Variants in FMO1 observed in about 807,000 individuals in gnomAD.
FMO1 encodes the protein flavin containing dimethylaniline monoxygenase 1, also known as flavin-containing monooxygenase 1.
In FMO1, 36 loss-of-function variants were observed where a neutral mutation model predicts 45.4. The observed-to-expected ratio is 0.79, with a 90% CI of 0.61 to 1.05. FMO1 has a LOEUF of 1.05. FMO1 is among the 50% of genes least tolerant of loss of function. FMO1 has a pLI of 0.00. For synonymous variants in FMO1, 228 were observed against 227.2 expected, an observed-to-expected ratio of 1.00 and a Z score of -0.03; for missense variants, 615 against 640.3, an observed-to-expected ratio of 0.96 and a Z score of 0.43.
chr1:171,273,034 G>C (rs1660934298), intron 3 of FMO1, among the ~76,000 whole-genome samples: 1 of 152,178 alleles, frequency 6.6e-6, no homozygotes, highest in Non-Finnish European at 1.5e-5. Flanking sequence ...CATGTTGTGA[G>C]AGGGGTCCAG....
Position 171,261,321 on chromosome 1 carries a change from G to GCACACA in FMO1, c.132+3119_132+3124dup, listed in dbSNP as rs71561567. Among the ~76,000 whole-genome samples the GCACACA allele has an allele frequency of 7.2e-3, 1,063 of 148,032 alleles. 15 individuals are homozygous for GCACACA. Among genetic ancestry groups the GCACACA allele is most frequent in the African/African-American group, 0.024 (963 of 40,178 alleles). On this transcript the variant is annotated intron_variant, in intron 2 of 8. Transcript: ENST00000617670. ...TTCCCTCCTTCCCCAACACACACAG[G>GCACACA]CACACACACACACACACACACAAAA...
At chr1:171,283,930 T>C (rs1386983308) in intron 8 of FMO1, among the ~76,000 whole-genome samples, 1 of 152,104 alleles carries the variant, frequency 6.6e-6, no homozygotes, top group African/African-American at 2.4e-5. Context: ...CAGAATAAAG[T>C]TTATTGAGCA....
chr1:171,269,608 A>G (rs1660765727), intron 3 of FMO1, among the ~76,000 whole-genome samples: 1 of 152,260 alleles, frequency 6.6e-6, no homozygotes, highest in South Asian at 2.1e-4. Flanking sequence ...GTGTAAAATT[A>G]CAATAACACT....
intron 3 of FMO1, among the ~76,000 whole-genome samples, chr1:171,274,119 A>T (rs1457485525): frequency 6.7e-6 from 1 of 150,012 alleles, no homozygotes; most frequent in East Asian, 2.0e-4. Flanking sequence ...ACTGCACTCC[A>T]GCCTGGGCAA....
At chr1:171,265,119 G>A (rs922885483) in intron 2 of FMO1, among the ~76,000 whole-genome samples, 1 of 152,048 alleles carries the variant, frequency 6.6e-6, no homozygotes, top group Admixed American at 6.6e-5. Context: ...GGCCGGGCGA[G>A]GTGGCTCATG....
intron 3 of FMO1, chr1:171,271,464 G>A: frequency 4.0e-6 from 4 of 993,232 alleles, no homozygotes; most frequent in Non-Finnish European, 6.5e-6. Flanking sequence ...GCCTTTCTTA[G>A]AAAACTCTGA....
intron 1 of FMO1, among the ~76,000 whole-genome samples, chr1:171,256,705 A>G (rs1361924692): frequency 6.6e-6 from 1 of 152,194 alleles, no homozygotes; most frequent in Non-Finnish European, 1.5e-5. Flanking sequence ...AGACTAAAAT[A>G]TTGAATATTT....
chr1:171,266,882 G>A (rs1297652626), intron 2 of FMO1, among the ~76,000 whole-genome samples: 3 of 152,226 alleles, frequency 2.0e-5, no homozygotes, highest in African/African-American at 4.8e-5. Context: ...CTTTGCAGTA[G>A]TCTTATGAGA....
At chr1:171,276,672 T>C (rs1259282990) in intron 4 of FMO1, among the ~76,000 whole-genome samples, 1 of 152,162 alleles carries the variant, frequency 6.6e-6, no homozygotes, top group East Asian at 1.9e-4. Context: ...ACATGTAACC[T>C]GTATTGGAGG....
intron 3 of FMO1, among the ~76,000 whole-genome samples, chr1:171,274,407 T>C (rs923871277): frequency 3.3e-5 from 5 of 151,870 alleles, no homozygotes; most frequent in Non-Finnish European, 5.9e-5. Context: ...ACTACAGGCA[T>C]GGGCCACCAC....
Position 171,267,670 on chromosome 1 carries a change from T to C in FMO1, c.260T>C (p.Phe87Ser), listed in dbSNP as rs1477986485. Residue 87 changes from phenylalanine (F) to serine (S), a missense_variant, in exon 3 of 9, where the codon TTC becomes TCC. Phe to Ser is a radical substitution (Grantham distance 155, BLOSUM62 -2). Transcript: ENST00000617670. ...CCAAACTATGTGCCAAATTCTCAAT[T>C]CCTGGAATATCTCAAAATGTATGCA... Reference protein sequence around the residue: ...DYPNYVPNSQFLEYLKMYANH... With the variant: ...DYPNYVPNSQSLEYLKMYANH... 1 of 1,614,122 alleles carries C rather than the reference T, an allele frequency of 6.2e-7. No homozygotes were observed. The highest frequency in any genetic ancestry group is 8.5e-7 in the Non-Finnish European group (1 of 1,179,992).
intron 2 of FMO1, among the ~76,000 whole-genome samples, chr1:171,266,003 T>G (rs1447286567): frequency 6.6e-6 from 1 of 152,244 alleles, no homozygotes. Context: ...TTTTAATGTA[T>G]CTTCAGTCTT....
intron 4 of FMO1, 69 bp downstream of exon 4, chr1:171,275,577 G>A: frequency 8.7e-7 from 1 of 1,148,552 alleles, no homozygotes. Context: ...ATTGGTCTGG[G>A]AATGAATTCC....
intron 8 of FMO1, 150 bp downstream of exon 8, chr1:171,283,366 T>C (rs979317927): frequency 2.0e-6 from 1 of 505,554 alleles, no homozygotes; most frequent in Non-Finnish European, 3.4e-6. Flanking sequence ...AAGAAGCATC[T>C]GAGACTTACA....
At chr1:171,270,937 C>A (rs557257525) in intron 3 of FMO1, 26 of 815,952 alleles carry the variant, frequency 3.2e-5, no homozygotes, top group East Asian at 2.1e-4. Flanking sequence ...AGAAAAAAAA[C>A]CGCTAGAACC....
chr1:171,275,316 T>G (rs769384757), intron 3 of FMO1, 30 bp from the exon 4 acceptor site: 1 of 1,602,838 alleles, frequency 6.2e-7, no homozygotes, highest in South Asian at 1.1e-5. Flanking sequence ...CATTGACAAC[T>G]GCTAATCATA....
At chr1:171,282,985 C>A in intron 7 of FMO1, 159 bp from the exon 8 acceptor site, 1 of 538,894 alleles carries the variant, frequency 1.9e-6, no homozygotes. Flanking sequence ...CAGGAGCATA[C>A]AACCAGTCAG....
Position 171,278,739 on chromosome 1 carries a change from CT to C in FMO1, c.498del (p.Phe166LeufsTer24), listed in dbSNP as rs1316891885. ...TTTTATTTTCTATAGGTATTAATGCCTTTAAAGGCCAGTACTTTCATAGCCG... is the reference window on the plus strand; with the variant it reads ...TTTTATTTTCTATAGGTATTAATGCCTTAAAGGCCAGTACTTTCATAGCCG... ...PLDSFPGINA[F>X]KGQYFHSRQY... On this transcript the variant is annotated frameshift_variant, in exon 5 of 9. Transcript: ENST00000617670. LOFTEE classifies it high-confidence loss of function. 3 of 1,604,760 alleles carry C rather than the reference CT, an allele frequency of 1.9e-6. No homozygotes were observed. Among genetic ancestry groups the C allele is most frequent in the Non-Finnish European group, 1.7e-6 (2 of 1,173,484 alleles).
chr1:171,258,729 C>A (rs1660266957), intron 2 of FMO1, among the ~76,000 whole-genome samples: 1 of 152,150 alleles, frequency 6.6e-6, no homozygotes, highest in South Asian at 2.1e-4. Flanking sequence ...CCAGTGCAGG[C>A]CAAGAACAAA....
Sources: gnomAD v4.1 joint callset for allele counts (sites outside exome capture counted in the v4.1 genomes callset) on GRCh38, gnomAD v4.1.1 for gene constraint, MANE v1.5 for transcripts, NCBI Gene and HGNC (gene_info 2026-07-23, HGNC 2026-07-21) for gene names.